Variants in SDC2 observed in about 807,000 individuals in gnomAD.
SDC2 encodes the protein syndecan 2.
In SDC2, 13 loss-of-function variants were observed where a neutral mutation model predicts 22.2. That is an observed-to-expected ratio of 0.59 (90% confidence interval 0.38 to 0.93). The LOEUF (loss-of-function observed/expected upper bound fraction) is 0.93. SDC2 is among the 40% of genes least tolerant of loss of function. The pLI, the probability that SDC2 is intolerant of heterozygous loss-of-function variation, is 0.00. For missense variants in SDC2, 235 were observed against 246.8 expected (o/e 0.95, Z 0.32); for synonymous variants, 94 against 92.8 (o/e 1.01, Z -0.07).
intron 1 of SDC2, among the ~76,000 whole-genome samples, chr8:96,565,402 C>A (rs2130571254): frequency 6.6e-6 from 1 of 152,080 alleles, no homozygotes; most frequent in Admixed American, 6.5e-5. Context: ...CTGATTTAAT[C>A]TTTGATTCAG....
At chr8:96,607,773 T>C (rs1170095067) in intron 3 of SDC2, among the ~76,000 whole-genome samples, 1 of 152,068 alleles carries the variant, frequency 6.6e-6, no homozygotes, top group East Asian at 1.9e-4. Flanking sequence ...ACTTGCGCAA[T>C]CCAAGTCCCT....
intron 1 of SDC2, among the ~76,000 whole-genome samples, chr8:96,550,536 ACT>A (rs138753103): frequency 0.012 from 1,795 of 152,116 alleles, 36 homozygotes; most frequent in African/African-American, 0.042. Flanking sequence ...ATTATTGTTA[ACT>A]CACACTTGTG....
rs146546112 is a variant in SDC2 at position 96,587,370 on chromosome 8, C to A, written c.61-6110C>A. On this transcript the variant is annotated intron_variant, in intron 1 of 4. Transcript: ENST00000302190. ...GGTAAGCCTAGGAAATTGCTACATACTAGTTAGTTCTCTGTAAACAAACCC... is the reference window on the plus strand; with the variant it reads ...GGTAAGCCTAGGAAATTGCTACATAATAGTTAGTTCTCTGTAAACAAACCC... Among the ~76,000 whole-genome samples, 37 of 152,284 alleles carry A rather than the reference C, an allele frequency of 2.4e-4. No homozygotes were observed. The East Asian group carries it at 6.8e-3, about 28-fold the overall frequency.
chr8:96,593,580 C>T lies in SDC2; in HGVS notation c.161C>T (p.Ala54Val), dbSNP rs377005291. Residue 54 changes from alanine (A) to valine (V), a missense_variant, in exon 2 of 5, where the codon GCG becomes GTG. Physicochemically the swap from Ala to Val is moderately conservative, Grantham distance 64. Transcript: ENST00000302190. The stretch of plus-strand genomic sequence containing the variant: ...ATTGATGACGATGACTACGCTTCTG[C>T]GTCTGGCTCGGGTAAGGTGGCTGCT... Reference protein sequence around the residue: ...YPIDDDDYASASGSGADEDVE... With the variant: ...YPIDDDDYASVSGSGADEDVE... 2.0e-5 allele frequency: 33 copies of T among 1,609,940 alleles called. No individual in the cohort carries two copies. Among genetic ancestry groups the T allele is most frequent in the South Asian group, 4.4e-5 (4 of 90,972 alleles).
At chr8:96,512,915 C>T (rs938310062) in intron 1 of SDC2, among the ~76,000 whole-genome samples, 19 of 152,122 alleles carry the variant, frequency 1.2e-4, no homozygotes, top group African/African-American at 4.3e-4. Flanking sequence ...GTGCATCAAA[C>T]GATGAGTGTT....
rs141458530 is a variant in SDC2 at position 96,528,186 on chromosome 8, A to G, written c.60+33855A>G. ...TTGGTGACACACCAAAATATCTTTC[A>G]TACGGATTGGATTTAAGTATATATA... On this transcript the variant is annotated intron_variant, in intron 1 of 4. Transcript: ENST00000302190. Among the ~76,000 whole-genome samples, 843 of 152,300 alleles carry G rather than the reference A, an allele frequency of 5.5e-3. 6 individuals are homozygous for G. The highest frequency in any genetic ancestry group is 0.024 in the Middle Eastern group (7 of 294).
intron 1 of SDC2, among the ~76,000 whole-genome samples, chr8:96,534,050 G>A (rs971363707): frequency 7.2e-5 from 11 of 152,320 alleles, no homozygotes; most frequent in South Asian, 2.1e-4. Flanking sequence ...CTGCTGGCCC[G>A]GGTGTTAAGC....
At chr8:96,497,841 CCTT>C (rs1232932645) in intron 1 of SDC2, among the ~76,000 whole-genome samples, 2 of 152,220 alleles carry the variant, frequency 1.3e-5, no homozygotes, top group Admixed American at 1.3e-4. Context: ...ACTAGATTGT[CCTT>C]CTTCCATTGC....
At chr8:96,605,376 C>T (rs1376517637) in intron 3 of SDC2, among the ~76,000 whole-genome samples, 1 of 152,200 alleles carries the variant, frequency 6.6e-6, no homozygotes, top group African/African-American at 2.4e-5. Flanking sequence ...GTGAAAAGGT[C>T]TCTAGACTAG....
intron 1 of SDC2, among the ~76,000 whole-genome samples, chr8:96,524,241 A>T (rs1813542883): frequency 6.6e-6 from 1 of 152,160 alleles, no homozygotes; most frequent in Admixed American, 6.5e-5. Context: ...AATAAAATTG[A>T]TGGCTTTATT....
At chr8:96,523,124 A>C (rs1482814771) in intron 1 of SDC2, among the ~76,000 whole-genome samples, 2 of 152,196 alleles carry the variant, frequency 1.3e-5, no homozygotes, top group African/African-American at 4.8e-5. Flanking sequence ...AACAGTGATA[A>C]ACCTCTGAAT....
intron 3 of SDC2, among the ~76,000 whole-genome samples, chr8:96,603,560 G>T (rs1324452644): frequency 6.6e-6 from 1 of 152,202 alleles, no homozygotes; most frequent in African/African-American, 2.4e-5. Flanking sequence ...GATATGGAAG[G>T]CTGTTTGATG....
intron 1 of SDC2, among the ~76,000 whole-genome samples, chr8:96,520,055 C>A (rs1813472010): frequency 6.6e-6 from 1 of 152,166 alleles, no homozygotes; most frequent in African/African-American, 2.4e-5. Flanking sequence ...TCATAACATG[C>A]CTTCTTGGCC....
intron 1 of SDC2, among the ~76,000 whole-genome samples, chr8:96,519,205 A>C (rs1813456131): frequency 6.6e-6 from 1 of 152,290 alleles, no homozygotes; most frequent in South Asian, 2.1e-4. Context: ...CAGAGTGCCC[A>C]GAGTGCAGTG....
intron 1 of SDC2, among the ~76,000 whole-genome samples, chr8:96,576,623 T>G (rs1350055039): frequency 1.4e-5 from 2 of 146,884 alleles, no homozygotes; most frequent in African/African-American, 2.5e-5. Context: ...GTTTCACCGT[T>G]TTAGCCGGGA....
chr8:96,500,464 C>A (rs1813143429), intron 1 of SDC2, among the ~76,000 whole-genome samples: 1 of 151,960 alleles, frequency 6.6e-6, no homozygotes, highest in African/African-American at 2.4e-5. Context: ...GAATTCGAGA[C>A]CAGCCTGGCC....
intron 1 of SDC2, among the ~76,000 whole-genome samples, chr8:96,560,128 AC>A (rs1814184104): frequency 1.3e-5 from 2 of 152,084 alleles, no homozygotes; most frequent in African/African-American, 4.8e-5. Context: ...ATTAGCAGTC[AC>A]CCCTACCCCT....
chr8:96,606,020 T>C (rs995682885), intron 3 of SDC2, among the ~76,000 whole-genome samples: 35 of 152,186 alleles, frequency 2.3e-4, no homozygotes, highest in African/African-American at 7.7e-4. Flanking sequence ...AAGCAATCAT[T>C]TGCTTTGCTG....
Position 96,611,241 on chromosome 8 carries a change from G to A in SDC2, c.*1693G>A, listed in dbSNP as rs920660266. ...TGGAGTTATGAGGGTACTGTGGCTGGTACTTTCTGTACTAAACATTTCCTT... is the reference window on the plus strand; with the variant it reads ...TGGAGTTATGAGGGTACTGTGGCTGATACTTTCTGTACTAAACATTTCCTT... On this transcript the variant is annotated 3_prime_UTR_variant, in exon 5 of 5. Transcript: ENST00000302190. 5.9e-5 allele frequency: 9 copies of A among 152,166 alleles called. No homozygotes were observed. In the East Asian group the frequency reaches 1.7e-3, roughly 29 times the overall value. 9.4% of individuals were successfully genotyped at this position (152,166 alleles called of 1,614,324 possible).
Sources: allele counts gnomAD v4.1 joint callset (sites outside exome capture counted in the v4.1 genomes callset), GRCh38; gene constraint gnomAD v4.1.1; transcripts MANE v1.5; gene names NCBI Gene and HGNC (gene_info 2026-07-23, HGNC 2026-07-21).